NAALADL2: variants seen among roughly 807,000 people sequenced by gnomAD.
NAALADL2 encodes N-acetylated alpha-linked acidic dipeptidase like 2.
Under a neutral mutation model 87.2 loss-of-function variants are expected in NAALADL2, and 76 were observed. The ratio of observed to expected loss-of-function variants is 0.87; its 90% CI spans 0.72 to 1.05. The LOEUF (loss-of-function observed/expected upper bound fraction) is 1.05, where lower values mean the gene tolerates loss of function less well. Ranked by LOEUF, NAALADL2 falls within the 50% of genes least tolerant of loss-of-function variation. NAALADL2 has a pLI of 0.00. For synonymous variants in NAALADL2, 354 were observed against 331.0 expected, an observed-to-expected ratio of 1.07 and a Z score of -0.75; for missense variants, 1,089 against 945.8, an observed-to-expected ratio of 1.15 and a Z score of -1.99.
At chr3:174,738,490 C>T (rs1319456903) in intron 3 of NAALADL2, among the ~76,000 whole-genome samples, 1 of 152,056 alleles carries the variant, frequency 6.6e-6, no homozygotes, top group Non-Finnish European at 1.5e-5. Context: ...GCAAGTAATG[C>T]AGATTTAGGA....
chr3:175,140,870 C>T (rs1016703254), intron 2 of NAALADL2, among the ~76,000 whole-genome samples: 1 of 152,066 alleles, frequency 6.6e-6, no homozygotes, highest in East Asian at 1.9e-4. Context: ...GAGCATGATC[C>T]TGTCTCATAT....
chr3:175,405,792 C>A (rs1295716345), intron 5 of NAALADL2, among the ~76,000 whole-genome samples: 3 of 152,118 alleles, frequency 2.0e-5, no homozygotes, highest in South Asian at 2.1e-4. Context: ...TGCCAATAAT[C>A]CTATGAGGTT....
At chr3:175,022,009 C>G (rs555449660) in intron 1 of NAALADL2, among the ~76,000 whole-genome samples, 1 of 151,958 alleles carries the variant, frequency 6.6e-6, no homozygotes, top group South Asian at 2.1e-4. Context: ...AATTTTTACT[C>G]TATTAGTACA....
rs996117560 is a variant in NAALADL2 at position 175,362,640 on chromosome 3, C to T, written c.1090+38315C>T. ...CAATTGCAAATTTTACTGCTATAAACATGCATGTTGAAGAATCTATTTCAT... is the reference window on the plus strand; with the variant it reads ...CAATTGCAAATTTTACTGCTATAAATATGCATGTTGAAGAATCTATTTCAT... On this transcript the variant is annotated intron_variant, in intron 5 of 13. Coordinates refer to ENST00000454872, the MANE Select transcript of NAALADL2 (RefSeq NM_207015.3). Among the ~76,000 whole-genome samples the T allele has an allele frequency of 2.0e-5, 3 of 148,240 alleles. 1 individual carries two copies. The highest frequency in any genetic ancestry group is 1.5e-5 in the Non-Finnish European group (1 of 66,592).
chr3:174,797,343 G>A (rs541927440), intron 3 of NAALADL2, among the ~76,000 whole-genome samples: 12 of 101,554 alleles, frequency 1.2e-4, no homozygotes, highest in African/African-American at 4.6e-4. Context: ...ACAGAGTCTC[G>A]CTTTGTCACC....
chr3:175,408,378 G>T (rs150341885), intron 5 of NAALADL2, among the ~76,000 whole-genome samples: 38 of 151,922 alleles, frequency 2.5e-4, no homozygotes, highest in African/African-American at 8.9e-4. Flanking sequence ...ACATTATTTT[G>T]TATCCCATAA....
chr3:174,821,313 G>A (rs972659371), intron 3 of NAALADL2, among the ~76,000 whole-genome samples: 3 of 151,832 alleles, frequency 2.0e-5, no homozygotes, highest in Non-Finnish European at 4.4e-5. Flanking sequence ...TGACAATACC[G>A]GGCTTGAGGT....
chr3:174,805,416 C>A (rs1023997514), intron 3 of NAALADL2, among the ~76,000 whole-genome samples: 1 of 151,984 alleles, frequency 6.6e-6, no homozygotes, highest in Non-Finnish European at 1.5e-5. Context: ...TGTAGCACAT[C>A]GAAATATGAA....
chr3:175,628,126 G>A (rs116406600), intron 11 of NAALADL2, among the ~76,000 whole-genome samples: 2,694 of 151,626 alleles, frequency 0.018, 27 homozygotes, highest in Middle Eastern at 0.027. Flanking sequence ...AAAACACTAC[G>A]CATTTAGTAG....
chr3:175,698,227 A>G (rs868557345), intron 11 of NAALADL2, among the ~76,000 whole-genome samples: 3 of 31,350 alleles, frequency 9.6e-5, no homozygotes, highest in African/African-American at 4.7e-4. Context: ...ATGTGTATAT[A>G]TGTATGTATA....
chr3:175,780,112 CA>C (rs397876700), intron 13 of NAALADL2, among the ~76,000 whole-genome samples: 2,770 of 133,086 alleles, frequency 0.021, 59 homozygotes, highest in African/African-American at 0.061. Flanking sequence ...ACTAAAAATA[CA>C]AAAAAAAAAA....
At chr3:175,444,327 C>A (rs562611431) in intron 5 of NAALADL2, among the ~76,000 whole-genome samples, 32 of 152,258 alleles carry the variant, frequency 2.1e-4, no homozygotes, top group African/African-American at 7.7e-4. Context: ...CTGGGAAAAC[C>A]AGATGGCTAT....
At chr3:175,460,190 C>A (rs1228596040) in intron 6 of NAALADL2, 1 of 456,142 alleles carries the variant, frequency 2.2e-6, no homozygotes, top group East Asian at 7.0e-5. Flanking sequence ...GTCTTTAGAG[C>A]AAGTTTATTC....
chr3:175,298,702 G>A (rs1344427104), intron 4 of NAALADL2, among the ~76,000 whole-genome samples: 1 of 151,966 alleles, frequency 6.6e-6, no homozygotes. Flanking sequence ...TCTTTCAGTT[G>A]TATTCTGTGC....
intron 2 of NAALADL2, among the ~76,000 whole-genome samples, chr3:174,715,876 C>T (rs1413521248): frequency 6.6e-6 from 1 of 151,948 alleles, no homozygotes; most frequent in African/African-American, 2.4e-5. Context: ...GGTTTCAGTT[C>T]TAGGATTATC....
intron 4 of NAALADL2, among the ~76,000 whole-genome samples, chr3:175,316,622 G>A (rs556729384): frequency 1.3e-4 from 20 of 152,216 alleles, no homozygotes; most frequent in African/African-American, 4.8e-4. Context: ...AAATACTTTT[G>A]CCAAGGGACA....
At chr3:175,237,418 T>C (rs1456793479) in intron 3 of NAALADL2, among the ~76,000 whole-genome samples, 1 of 152,144 alleles carries the variant, frequency 6.6e-6, no homozygotes, top group Admixed American at 6.5e-5. Context: ...TCCTTGACAA[T>C]TTCAAATCAT....
chr3:175,446,708 A>T (rs1487482518), intron 5 of NAALADL2, among the ~76,000 whole-genome samples: 6 of 152,084 alleles, frequency 3.9e-5, no homozygotes, highest in Non-Finnish European at 5.9e-5. Flanking sequence ...AATTTCATCA[A>T]ATCCTCCTGT....
chr3:175,575,766 G>C (rs577945633), intron 9 of NAALADL2, among the ~76,000 whole-genome samples: 28 of 152,246 alleles, frequency 1.8e-4, no homozygotes, highest in African/African-American at 6.7e-4. Context: ...GATAAAAAAT[G>C]CTTTTGAAGC....
Sources: allele counts gnomAD v4.1 joint callset (sites outside exome capture counted in the v4.1 genomes callset), GRCh38; gene constraint gnomAD v4.1.1; transcripts MANE v1.5; gene names NCBI Gene and HGNC (gene_info 2026-07-23, HGNC 2026-07-21).